The following ATP9B variants were observed in gnomAD, a reference collection of about 807,000 sequenced individuals.
The protein encoded by ATP9B is ATPase phospholipid transporting 9B, also known as probable phospholipid-transporting ATPase IIB.
A neutral mutation model predicts 146.1 loss-of-function variants in ATP9B; 110 were observed. That is an observed-to-expected ratio of 0.75 (90% confidence interval 0.65 to 0.88). The LOEUF is 0.88. Among genes scored for constraint, ATP9B ranks in the 40% least tolerant of loss-of-function variants. The probability of loss-of-function intolerance (pLI) is 0.00; values close to 1 mark genes in which losing one functional copy is unlikely to be tolerated. For missense variants in ATP9B, 1,499 were observed against 1,496.4 expected, an observed-to-expected ratio of 1.00 and a Z score of -0.03; for synonymous variants, 604 against 569.7, an observed-to-expected ratio of 1.06 and a Z score of -0.86.
intron 7 of ATP9B, among the ~76,000 whole-genome samples, chr18:79,176,267 A>G (rs974096165): frequency 6.6e-6 from 1 of 152,330 alleles, no homozygotes; most frequent in South Asian, 2.1e-4. Context: ...GGATGATAGC[A>G]CGGCCAAAGA....
At chr18:79,285,541 T>C (rs1389173198) in intron 13 of ATP9B, among the ~76,000 whole-genome samples, 2 of 152,104 alleles carry the variant, frequency 1.3e-5, no homozygotes, top group Non-Finnish European at 2.9e-5. Context: ...GAGTAGGTTG[T>C]GAAAATTTTC....
chr18:79,229,444 A>G (rs1043576525), intron 11 of ATP9B, among the ~76,000 whole-genome samples: 6 of 152,252 alleles, frequency 3.9e-5, no homozygotes, highest in Non-Finnish European at 7.3e-5. Flanking sequence ...AGACAGAGAC[A>G]TGGTCTGAAA....
At chr18:79,185,139 A>C (rs2095294911) in intron 8 of ATP9B, among the ~76,000 whole-genome samples, 1 of 152,120 alleles carries the variant, frequency 6.6e-6, no homozygotes, top group Non-Finnish European at 1.5e-5. Flanking sequence ...TGAGTAATGA[A>C]AATGTTCAGT....
intron 25 of ATP9B, among the ~76,000 whole-genome samples, chr18:79,352,061 A>C (rs556962978): frequency 4.0e-4 from 61 of 152,346 alleles, no homozygotes; most frequent in African/African-American, 1.4e-3. Context: ...TCATGAGCCC[A>C]CAACTCATGT....
chr18:79,326,740 G>A (rs2096749463), intron 15 of ATP9B, among the ~76,000 whole-genome samples: 1 of 152,234 alleles, frequency 6.6e-6, no homozygotes. Context: ...GGTCAGACGT[G>A]TGGGGAATTG....
chr18:79,174,047 TTCC>T (rs1330065482), intron 7 of ATP9B: 3 of 317,590 alleles, frequency 9.4e-6, no homozygotes, highest in African/African-American at 6.7e-5. Context: ...GACTGCACTT[TTCC>T]TCCTCTTGTA....
chr18:79,123,037 G>T (rs1006889488), intron 4 of ATP9B, among the ~76,000 whole-genome samples: 1 of 152,090 alleles, frequency 6.6e-6, no homozygotes, highest in African/African-American at 2.4e-5. Flanking sequence ...GAACAAGGGT[G>T]TTTGCTCCCA....
chr18:79,165,282 A>G (rs1261062919), intron 7 of ATP9B, among the ~76,000 whole-genome samples: 1 of 152,152 alleles, frequency 6.6e-6, no homozygotes, highest in East Asian at 1.9e-4. Context: ...TTGGGATGGA[A>G]GCCTCCAGAG....
intron 6 of ATP9B, among the ~76,000 whole-genome samples, chr18:79,149,709 A>T (rs2094651592): frequency 6.8e-6 from 1 of 147,100 alleles, no homozygotes. Flanking sequence ...AAAACTTAAC[A>T]GTAAAAAAAA....
chr18:79,102,370 TGGTGA>T (rs1256371934), intron 2 of ATP9B, among the ~76,000 whole-genome samples: 9 of 152,314 alleles, frequency 5.9e-5, no homozygotes, highest in African/African-American at 2.2e-4. Context: ...AAAATTTTTT[TGGTGA>T]GGTGAGAGGT....
In ATP9B at chr18:79,168,812, G is replaced by A. The variant is rs112570043; in HGVS notation, c.779-8001G>A. Reference sequence around the variant, plus strand: ...TTCCTTAATTAGGAGTGCTATGTCTGTTTCTCCCCTGACAGTCTTTGGGAG... The same window carrying A: ...TTCCTTAATTAGGAGTGCTATGTCTATTTCTCCCCTGACAGTCTTTGGGAG... On this transcript the variant is annotated intron_variant, in intron 7 of 29. Transcript: ENST00000426216. Among the ~76,000 whole-genome samples, 1,051 of 152,156 alleles carry A rather than the reference G, an allele frequency of 6.9e-3. 11 individuals carry two copies. The highest frequency in any genetic ancestry group is 0.011 in the Non-Finnish European group (782 of 68,010).
intron 5 of ATP9B, among the ~76,000 whole-genome samples, chr18:79,131,389 G>A (rs1170512849): frequency 6.6e-6 from 1 of 152,184 alleles, no homozygotes; most frequent in Non-Finnish European, 1.5e-5. Context: ...ATTCTCCGAA[G>A]AAAATATACA....
intron 15 of ATP9B, among the ~76,000 whole-genome samples, chr18:79,316,378 G>A (rs1409903781): frequency 6.6e-6 from 1 of 152,168 alleles, no homozygotes; most frequent in African/African-American, 2.4e-5. Flanking sequence ...GTCACCTGCT[G>A]CTGTGGAGAC....
chr18:79,195,813 A>G (rs1277416849), intron 9 of ATP9B, among the ~76,000 whole-genome samples: 1 of 152,200 alleles, frequency 6.6e-6, no homozygotes, highest in Non-Finnish European at 1.5e-5. Context: ...AGGAAACGAG[A>G]TAATCAAAGA....
chr18:79,367,913 A>G (rs2097044629), intron 26 of ATP9B, among the ~76,000 whole-genome samples: 1 of 152,268 alleles, frequency 6.6e-6, no homozygotes, highest in South Asian at 2.1e-4. Context: ...TGGCCAGATC[A>G]CAGAGCCCAG....
At chr18:79,361,181 T>A (rs939905104) in intron 26 of ATP9B, 2 of 152,242 alleles carry the variant, frequency 1.3e-5, no homozygotes, top group African/African-American at 4.8e-5. Flanking sequence ...GTCATAGGAC[T>A]GTCATGCCAC....
intron 1 of ATP9B, among the ~76,000 whole-genome samples, chr18:79,091,024 T>C (rs765973727): frequency 1.6e-4 from 25 of 152,208 alleles, no homozygotes; most frequent in Non-Finnish European, 3.1e-4. Context: ...CCCAGCACCA[T>C]TTATTGAAAA....
At chr18:79,109,150 T>A (rs2075841656) in intron 2 of ATP9B, among the ~76,000 whole-genome samples, 1 of 152,242 alleles carries the variant, frequency 6.6e-6, no homozygotes, top group South Asian at 2.1e-4. Flanking sequence ...ACGGCAGGCT[T>A]TCTATTCTAG....
chr18:79,285,702 C>T (rs1406296645), intron 13 of ATP9B, among the ~76,000 whole-genome samples: 1 of 152,140 alleles, frequency 6.6e-6, no homozygotes, highest in Non-Finnish European at 1.5e-5. Context: ...CACGCCTATG[C>T]CCTGAATGGT....
Sources: allele counts gnomAD v4.1 joint callset (sites outside exome capture counted in the v4.1 genomes callset), GRCh38; gene constraint gnomAD v4.1.1; transcripts MANE v1.5; gene names NCBI Gene and HGNC (gene_info 2026-07-23, HGNC 2026-07-21).